ELMOD1: variants seen among roughly 807,000 people sequenced by gnomAD.
The protein encoded by ELMOD1 is ELMO domain-containing protein 1.
In ELMOD1, 21 loss-of-function variants were observed where a neutral mutation model predicts 46.7. The observed-to-expected ratio is 0.45, with a 90% CI of 0.32 to 0.65. The LOEUF (loss-of-function observed/expected upper bound fraction) is 0.65. ELMOD1 is among the 30% of genes least tolerant of loss of function. The pLI, the probability that ELMOD1 is intolerant of heterozygous loss-of-function variation, is 0.04. For synonymous variants in ELMOD1, 122 were observed against 138.2 expected, an observed-to-expected ratio of 0.88 and a Z score of 0.82; for missense variants, 348 against 407.8, an observed-to-expected ratio of 0.85 and a Z score of 1.26.
chr11:107,598,919 C>T (rs1175632137), intron 1 of ELMOD1, among the ~76,000 whole-genome samples: 1 of 152,186 alleles, frequency 6.6e-6, no homozygotes, highest in Non-Finnish European at 1.5e-5. Context: ...CTGTTTCTTG[C>T]AGTGATAAAC....
chr11:107,649,784 G>T (rs146079484), intron 7 of ELMOD1, among the ~76,000 whole-genome samples: 2 of 152,136 alleles, frequency 1.3e-5, no homozygotes, highest in African/African-American at 2.4e-5. Context: ...ATGTTTGAGG[G>T]TGTGCAACTT....
At chr11:107,622,935 T>C (rs954900896) in intron 2 of ELMOD1, among the ~76,000 whole-genome samples, 2 of 152,216 alleles carry the variant, frequency 1.3e-5, no homozygotes, top group Non-Finnish European at 2.9e-5. Context: ...ATATGACACA[T>C]ACATATATAA....
Position 107,631,246 on chromosome 11 carries a change from CATA to C in ELMOD1, c.193-330_193-328del, listed in dbSNP as rs768133440. 3.3e-5 allele frequency among the ~76,000 whole-genome samples: 5 copies of C among 151,978 alleles called. No homozygotes were observed. In the South Asian group the frequency reaches 1.0e-3, roughly 32 times the overall value. Reference sequence around the variant, plus strand: ...ATGTGCCTCACTCTTTAGTCATAAACATAATACCCCTTAACAATAGAAACTATG... The same window carrying C: ...ATGTGCCTCACTCTTTAGTCATAAACATACCCCTTAACAATAGAAACTATG... On this transcript the variant is annotated intron_variant, in intron 4 of 11. Transcript: ENST00000265840.
rs565317446 is a variant in ELMOD1, at chr11:107,654,544, C to T, written c.698+322C>T. 6.7e-4 allele frequency among the ~76,000 whole-genome samples: 102 copies of T among 151,826 alleles called. 1 individual carries two copies. The highest frequency in any genetic ancestry group is 3.4e-3 in the Middle Eastern group (1 of 294). ...CAGCACTTTGGGAGGCCGAGGCGGG[C>T]GGATCACGAGGTCAGGAGATCGAGA... is the stretch of plus-strand genomic sequence containing the variant. On this transcript the variant is annotated intron_variant, in intron 10 of 11. Coordinates refer to ENST00000265840, the MANE Select transcript of ELMOD1 (RefSeq NM_018712.4).
intron 1 of ELMOD1, among the ~76,000 whole-genome samples, chr11:107,595,697 CT>C (rs1865480808): frequency 6.6e-6 from 1 of 152,068 alleles, no homozygotes; most frequent in Non-Finnish European, 1.5e-5. Flanking sequence ...ATCCTGGGAG[CT>C]TTTAACCTTC....
chr11:107,617,987 G>A, intron 1 of ELMOD1, 118 bp from the exon 2 acceptor site: 1 of 617,670 alleles, frequency 1.6e-6, no homozygotes, highest in East Asian at 2.8e-5. Context: ...GGGCAGTTCT[G>A]TTGATAATGT....
At chr11:107,618,353 A>T in intron 2 of ELMOD1, 147 bp downstream of exon 2, 1 of 945,348 alleles carries the variant, frequency 1.1e-6, no homozygotes, top group Non-Finnish European at 1.7e-6. Context: ...TGCTAAGAAT[A>T]ACTTGGCCAT....
chr11:107,600,569 CAT>C (rs1421457174), intron 1 of ELMOD1: 1 of 152,330 alleles, frequency 6.6e-6, no homozygotes, highest in Non-Finnish European at 1.5e-5. Flanking sequence ...TCAGAAAAGC[CAT>C]ATCTGACCCT....
intron 6 of ELMOD1, among the ~76,000 whole-genome samples, chr11:107,636,335 T>C (rs902753211): frequency 5.9e-5 from 9 of 152,334 alleles, no homozygotes; most frequent in African/African-American, 2.2e-4. Context: ...CTTAAAAATC[T>C]TACAGGATCT....
At chr11:107,596,030 T>A (rs1406993274) in intron 1 of ELMOD1, among the ~76,000 whole-genome samples, 1 of 152,104 alleles carries the variant, frequency 6.6e-6, no homozygotes, top group African/African-American at 2.4e-5. Context: ...TAAGCCTTTT[T>A]AAAAAATCAG....
intron 5 of ELMOD1, among the ~76,000 whole-genome samples, chr11:107,634,065 A>T (rs993690450): frequency 2.0e-5 from 3 of 152,150 alleles, no homozygotes; most frequent in Admixed American, 6.5e-5. Context: ...CCTAAAAAAA[A>T]ATATGATGAT....
intron 7 of ELMOD1, 47 bp from the exon 8 acceptor site, chr11:107,650,288 C>A (rs1004932244): frequency 7.6e-7 from 1 of 1,322,688 alleles, no homozygotes; most frequent in East Asian, 2.5e-5. Flanking sequence ...ATATATTCAG[C>A]GAGTAAGCAA....
At chr11:107,603,162 A>G (rs925195257) in intron 1 of ELMOD1, among the ~76,000 whole-genome samples, 3 of 152,180 alleles carry the variant, frequency 2.0e-5, no homozygotes, top group African/African-American at 7.2e-5. Flanking sequence ...AGTAAATTTC[A>G]TCTCTGCTGA....
At chr11:107,631,443 A>T (rs1247185118) in intron 4 of ELMOD1, 137 bp from the exon 5 acceptor site, 4 of 233,392 alleles carry the variant, frequency 1.7e-5, no homozygotes, top group Non-Finnish European at 2.5e-5. Flanking sequence ...GAATTCAAGT[A>T]CGCTAAATCA....
At chr11:107,632,427 TTAA>T (rs1866156409) in intron 5 of ELMOD1, among the ~76,000 whole-genome samples, 1 of 152,220 alleles carries the variant, frequency 6.6e-6, no homozygotes, top group African/African-American at 2.4e-5. Context: ...AAGGCTTTTA[TTAA>T]TAATTACAGG....
At position 107,647,526 on chromosome 11, in the gene ELMOD1, G is replaced by A. The variant is rs1418705031; in HGVS notation, c.479G>A (p.Cys160Tyr). 1.2e-6 allele frequency: 2 copies of A among 1,613,630 alleles called. No individual in the cohort carries two copies. The highest frequency in any genetic ancestry group is 1.7e-6 in the Non-Finnish European group (2 of 1,179,758). The change falls in exon 7 of 12, where the codon TGT (cysteine) becomes TAT (tyrosine). Residue 160 changes from cysteine to tyrosine, a missense_variant. Physicochemically the swap from Cys to Tyr is radical, Grantham distance 194 (BLOSUM62 -2). Transcript: ENST00000265840. The part of the protein sequence containing the change: ...PLESRISKQW[C>Y]EIGFQGDDPK... ...GAATCTCGGATTTCTAAGCAGTGGT[G>A]TGAAATTGGTTTCCAAGGTGATGAT... is the stretch of plus-strand genomic sequence containing the variant.
At chr11:107,618,449 G>A (rs1591112003) in intron 2 of ELMOD1, among the ~76,000 whole-genome samples, 1 of 152,180 alleles carries the variant, frequency 6.6e-6, no homozygotes, top group Non-Finnish European at 1.5e-5. Context: ...CAAAAGCATG[G>A]CACTTTAGAC....
intron 8 of ELMOD1, 131 bp downstream of exon 8, chr11:107,650,534 A>C (rs1361965657): frequency 1.4e-6 from 1 of 722,144 alleles, no homozygotes; most frequent in East Asian, 2.7e-5. Flanking sequence ...AGCCCTTGTA[A>C]TAAATGCTGA....
intron 1 of ELMOD1, among the ~76,000 whole-genome samples, chr11:107,610,423 G>A (rs1865755246): frequency 6.6e-6 from 1 of 152,036 alleles, no homozygotes; most frequent in South Asian, 2.1e-4. Flanking sequence ...CAGTACTTTG[G>A]GAGGCCAAGG....
Sources: gnomAD v4.1 joint callset for allele counts (sites outside exome capture counted in the v4.1 genomes callset) on GRCh38, gnomAD v4.1.1 for gene constraint, MANE v1.5 for transcripts, NCBI Gene and HGNC (gene_info 2026-07-23, HGNC 2026-07-21) for gene names.